PHF24: variants seen among roughly 807,000 people sequenced by gnomAD.
PHF24 encodes PHD finger protein 24, also known as Galpha inhibitory interacting protein.
A neutral mutation model predicts 42.6 loss-of-function variants in PHF24; 25 were observed. That is an observed-to-expected ratio of 0.59 (90% CI 0.43 to 0.82). PHF24 has a LOEUF of 0.82. Among genes scored for constraint, PHF24 ranks in the 40% least tolerant of loss-of-function variants. The pLI, the probability that PHF24 is intolerant of heterozygous loss-of-function variation, is 0.00. For missense variants in PHF24, 470 were observed against 538.1 expected (o/e 0.87, Z 1.25); for synonymous variants, 185 against 204.8 (o/e 0.90, Z 0.83).
chr9:34,781,423 T>C, the PHF24 span, among the ~76,000 whole-genome samples: 1 of 152,190 alleles, frequency 6.6e-6, no homozygotes, highest in Non-Finnish European at 1.5e-5. Flanking sequence ...GAAAGTAGAA[T>C]AGATAACCTA....
At chr9:34,867,360 C>T in the PHF24 span, among the ~76,000 whole-genome samples, 1 of 152,100 alleles carries the variant, frequency 6.6e-6, no homozygotes, top group Non-Finnish European at 1.5e-5. Flanking sequence ...CTGAGTGTAG[C>T]CTGTGCAGTT....
chr9:34,883,274 G>A, the PHF24 span, among the ~76,000 whole-genome samples: 1 of 151,904 alleles, frequency 6.6e-6, no homozygotes, highest in South Asian at 2.1e-4. Flanking sequence ...GAAGAAAACC[G>A]AGGCAATACC....
At chr9:34,782,329 G>A in the PHF24 span, among the ~76,000 whole-genome samples, 2 of 152,234 alleles carry the variant, frequency 1.3e-5, no homozygotes, top group East Asian at 1.9e-4. Flanking sequence ...ATAACCACTC[G>A]TGGTTTGTTT....
the PHF24 span, among the ~76,000 whole-genome samples, chr9:34,940,510 G>A: frequency 4.6e-5 from 7 of 152,068 alleles, no homozygotes; most frequent in Non-Finnish European, 7.4e-5. Context: ...CCAATACTTA[G>A]GGAGACTGAG....
chr9:34,689,721 G>A, the PHF24 span: 19 of 1,438,178 alleles, frequency 1.3e-5, no homozygotes, highest in Non-Finnish European at 1.8e-5. The surrounding 1 kb of genome is among the most constrained non-coding windows in gnomAD (Gnocchi z 4.1). Flanking sequence ...CAGAGGAGCT[G>A]GAAGCCTGGT....
At chr9:34,975,957 T>G (rs919737376) in intron 3 of PHF24, among the ~76,000 whole-genome samples, 195 bp from the exon 4 acceptor site, 11 of 152,208 alleles carry the variant, frequency 7.2e-5, no homozygotes, top group Admixed American at 5.2e-4. Context: ...GGGAAGATTC[T>G]GCCCCAGAGT....
the PHF24 span, among the ~76,000 whole-genome samples, chr9:34,775,642 G>A: frequency 4.6e-5 from 7 of 152,144 alleles, no homozygotes; most frequent in African/African-American, 9.7e-5. Flanking sequence ...ATCTAAAAAC[G>A]TTCTAAAAAT....
the PHF24 span, among the ~76,000 whole-genome samples, chr9:34,792,868 G>T: frequency 6.6e-6 from 1 of 152,180 alleles, no homozygotes. Flanking sequence ...TGTTAAAGGG[G>T]CATCAGTTTC....
At chr9:34,670,199 C>T in the PHF24 span, among the ~76,000 whole-genome samples, 71 of 152,224 alleles carry the variant, frequency 4.7e-4, no homozygotes, top group Admixed American at 4.5e-3. Context: ...TGATTTATAC[C>T]CTTAATAAAC....
At chr9:34,879,851 G>A in the PHF24 span, among the ~76,000 whole-genome samples, 29 of 152,154 alleles carry the variant, frequency 1.9e-4, no homozygotes, top group South Asian at 6.2e-4. Flanking sequence ...TACAGAGAAC[G>A]CCACAAAGAT....
the PHF24 span, among the ~76,000 whole-genome samples, chr9:34,741,053 T>C: frequency 3.9e-5 from 6 of 151,932 alleles, no homozygotes; most frequent in African/African-American, 1.5e-4. Context: ...GCCCGGCTAA[T>C]TTTTGTATTA....
chr9:34,838,865 GA>G, the PHF24 span, among the ~76,000 whole-genome samples: 1 of 152,206 alleles, frequency 6.6e-6, no homozygotes, highest in Non-Finnish European at 1.5e-5. Context: ...CACCTTATGA[GA>G]AGGGGTGGTT....
the PHF24 span, among the ~76,000 whole-genome samples, chr9:34,799,014 A>G: frequency 0.94 from 143,210 of 152,228 alleles, 67,727 homozygotes; most frequent in Non-Finnish European, 0.99. Context: ...TTTGAGAAGT[A>G]TCTGTATGTC....
chr9:34,826,812 G>A, the PHF24 span, among the ~76,000 whole-genome samples: 6 of 152,134 alleles, frequency 3.9e-5, no homozygotes, highest in African/African-American at 1.4e-4. Flanking sequence ...TGTATTCCTA[G>A]CATCTACCCC....
the PHF24 span, among the ~76,000 whole-genome samples, chr9:34,933,849 C>T: frequency 4.0e-5 from 6 of 151,628 alleles, no homozygotes; most frequent in Admixed American, 3.3e-4. Flanking sequence ...TCTTGGCTCA[C>T]TGCAACCTCT....
the PHF24 span, among the ~76,000 whole-genome samples, chr9:34,913,648 G>A: frequency 2.6e-5 from 4 of 152,304 alleles, no homozygotes; most frequent in Admixed American, 1.3e-4. Context: ...AGCAAACCCT[G>A]ACACAGCTAG....
the PHF24 span, among the ~76,000 whole-genome samples, chr9:34,903,678 A>G: frequency 0.23 from 34,814 of 152,228 alleles, 4,073 homozygotes; most frequent in South Asian, 0.29. Flanking sequence ...TCTTCTCATC[A>G]GGTGTGTCCC....
At chr9:34,867,843 A>G in the PHF24 span, among the ~76,000 whole-genome samples, 1 of 152,022 alleles carries the variant, frequency 6.6e-6, no homozygotes, top group Non-Finnish European at 1.5e-5. Context: ...ATTGTCAACC[A>G]CTCTGAAAAT....
At chr9:34,674,702 G>C in the PHF24 span, among the ~76,000 whole-genome samples, 1 of 152,250 alleles carries the variant, frequency 6.6e-6, no homozygotes, top group African/African-American at 2.4e-5. Flanking sequence ...CCTTGTGTTT[G>C]TACTGTGATT....
Sources: gnomAD v4.1 joint callset for allele counts (sites outside exome capture counted in the v4.1 genomes callset) on GRCh38, gnomAD v4.1.1 for gene constraint, Gnocchi (gnomAD v3.1) non-coding constraint, MANE v1.5 for transcripts, NCBI Gene and HGNC (gene_info 2026-07-23, HGNC 2026-07-21) for gene names.